NEB: variants seen among roughly 807,000 people sequenced by gnomAD.
The protein encoded by NEB is nebulin, also known as nemaline myopathy type 2.
A neutral mutation model predicts 952.2 loss-of-function variants in NEB; 512 were observed. The ratio of observed to expected loss-of-function variants is 0.54; its 90% CI spans 0.50 to 0.58. The LOEUF (loss-of-function observed/expected upper bound fraction) is 0.58, where lower values mean the gene tolerates loss of function less well. Among genes scored for constraint, NEB ranks in the 20% least tolerant of loss-of-function variants. NEB has a pLI of 0.00. For synonymous variants in NEB, 2,900 were observed against 3,149.8 expected, an observed-to-expected ratio of 0.92 and a Z score of 2.66; for missense variants, 8,428 against 9,231.1, an observed-to-expected ratio of 0.91 and a Z score of 3.56.
chr2:151,704,821 T>C (rs986363605), intron 13 of NEB, among the ~76,000 whole-genome samples: 4 of 152,218 alleles, frequency 2.6e-5, no homozygotes, highest in Admixed American at 6.5e-5. Flanking sequence ...ACCCGTCTTC[T>C]GCGTCGCTCG....
rs142773625 is a variant in NEB, at chr2:151,714,751, T to C, written c.822+2665A>G. Among the ~76,000 whole-genome samples the C allele has an allele frequency of 3.9e-3, 593 of 152,262 alleles. 4 individuals carry two copies. The highest frequency in any genetic ancestry group is 0.013 in the African/African-American group (555 of 41,548). ...TTAAAAAATTTATTTTTTTATACTT[T>C]AAGTTCTAGGGTAGATAAAGGAGAT... On this transcript the variant is annotated intron_variant, in intron 10 of 181. Coordinates refer to ENST00000397345, the MANE Select transcript of NEB (RefSeq NM_001164508.2).
Position 151,485,734 on chromosome 2 carries a change from C to A in NEB, c.*26G>T. 1 of 1,581,256 alleles carries A rather than the reference C, an allele frequency of 6.3e-7. No homozygotes were observed. Among genetic ancestry groups the A allele is most frequent in the South Asian group, 1.2e-5 (1 of 86,464 alleles). On this transcript the variant is annotated 3_prime_UTR_variant, in exon 182 of 182. Transcript: ENST00000397345. ...TTGACTGCAGGATCTGTAAGTCCTG[C>A]AGACAAGTGTGATGCTTTGAAATGC...
intron 3 of NEB, among the ~76,000 whole-genome samples, chr2:151,731,301 G>T (rs941773215): frequency 6.6e-6 from 1 of 152,050 alleles, no homozygotes; most frequent in Non-Finnish European, 1.5e-5. Flanking sequence ...TTAGAGCTGT[G>T]CCACTAATTA....
rs915938778 is a variant in NEB at position 151,642,977 on chromosome 2, T to A, written c.8161-108A>T. On this transcript the variant is annotated intron_variant, in intron 58 of 181. Coordinates refer to ENST00000397345, the MANE Select transcript of NEB (RefSeq NM_001164508.2). ...AGAATTTCAGCTCAGTGAATCGGTATTTGTGACATTTTCAGGTCTAAATGT... is the reference window on the plus strand; with the variant it reads ...AGAATTTCAGCTCAGTGAATCGGTAATTGTGACATTTTCAGGTCTAAATGT... 5 of 1,178,538 alleles carry A rather than the reference T, an allele frequency of 4.2e-6. No individual in the cohort carries two copies. The African/African-American group carries it at 7.8e-5, about 18-fold the overall frequency. The allele number at this position is 1,178,538 out of a possible 1,614,324, so 73.0% of individuals were successfully genotyped here.
chr2:151,519,708 C>G lies in NEB; in HGVS notation c.22540G>C (p.Asp7514His). ...KGKTPKYNPKDSQLYKVMKDA... is the reference protein window; with the variant it reads ...KGKTPKYNPKHSQLYKVMKDA... ...TTCATGACTTTGTAGAGCTGGCTGT[C>G]TTTTGGATTGTATTTTGGTGTCTTG... Residue 7514 changes from aspartate (D) to histidine (H), a missense_variant, in exon 154 of 182, where the codon GAC (aspartate) becomes CAC (histidine). Asp to His is a moderately conservative substitution (Grantham distance 81, BLOSUM62 -1). Coordinates refer to ENST00000397345, the MANE Select transcript of NEB (RefSeq NM_001164508.2). 1 of 1,613,226 alleles carries G rather than the reference C, an allele frequency of 6.2e-7. No homozygotes were observed. Among genetic ancestry groups the G allele is most frequent in the Non-Finnish European group, 8.5e-7 (1 of 1,179,438 alleles).
chr2:151,639,012 A>T (rs1387431021), intron 63 of NEB, among the ~76,000 whole-genome samples: 3 of 152,178 alleles, frequency 2.0e-5, no homozygotes, highest in African/African-American at 7.2e-5. Context: ...TAATATCCTA[A>T]CTTCAAAAAA....
In NEB at chr2:151,639,914, A is replaced by G; in HGVS notation, c.8832T>C (p.Ser2944=). ...RQPPDRFKFT[S]VTDSLEQVLA... is the part of the protein sequence containing the mutation. Reference sequence around the variant, plus strand: ...ACACTTGTTCCAGAGAGTCAGTCACACTGGTAAATTTGAATCTGTCTGGAG... The same window carrying G: ...ACACTTGTTCCAGAGAGTCAGTCACGCTGGTAAATTTGAATCTGTCTGGAG... The change falls in exon 62 of 182, where the codon AGT becomes AGC. Residue 2944 remains serine, a synonymous_variant. Transcript: ENST00000397345. The G allele has an allele frequency of 6.2e-7, 1 of 1,613,994 alleles. No homozygotes were observed. Among genetic ancestry groups the G allele is most frequent in the Non-Finnish European group, 8.5e-7 (1 of 1,179,878 alleles).
chr2:151,569,274 G>A lies in NEB; in HGVS notation c.17529C>T (p.Phe5843=), dbSNP rs2153749478. 1 of 1,613,580 alleles carries A rather than the reference G, an allele frequency of 6.2e-7. No homozygotes were observed. The highest frequency in any genetic ancestry group is 8.5e-7 in the Non-Finnish European group (1 of 1,179,560). Residue 5843 remains phenylalanine, a synonymous_variant, in exon 110 of 182, where the codon TTC becomes TTT. Coordinates refer to ENST00000397345, the MANE Select transcript of NEB (RefSeq NM_001164508.2). ...GGGTAAAATCTTGGAATACCTCACTGAAGATGTCCGCGGCATGTTTGGCAT... is the reference window on the plus strand; with the variant it reads ...GGGTAAAATCTTGGAATACCTCACTAAAGATGTCCGCGGCATGTTTGGCAT... ...VNHAKHAADI[F]SEKKYRTKIE... is the part of the protein sequence containing the mutation.
At chr2:151,682,495 A>C (rs1259691681) in intron 29 of NEB, among the ~76,000 whole-genome samples, 167 bp downstream of exon 29, 1 of 152,216 alleles carries the variant, frequency 6.6e-6, no homozygotes, top group African/African-American at 2.4e-5. Context: ...GATTTTGGTA[A>C]TATAAAGGTT....
chr2:151,696,865 T>C (rs2099600517), intron 16 of NEB, 130 bp from the exon 17 acceptor site: 1 of 694,618 alleles, frequency 1.4e-6, no homozygotes, highest in African/African-American at 1.8e-5. Context: ...TATATTTTTT[T>C]CTAACTAGAC....
intron 168 of NEB, 38 bp from the exon 169 acceptor site, chr2:151,499,428 C>A: frequency 8.9e-7 from 1 of 1,126,518 alleles, no homozygotes; most frequent in Non-Finnish European, 1.3e-6. Context: ...AAAACAAGAG[C>A]AGTCAAAACA....
chr2:151,567,912 C>T (rs1255173216), intron 113 of NEB, among the ~76,000 whole-genome samples, 159 bp downstream of exon 113: 2 of 152,064 alleles, frequency 1.3e-5, no homozygotes, highest in East Asian at 1.9e-4. Context: ...GAAGAAAGAC[C>T]GAAAAGTGAG....
At chr2:151,713,998 T>C (rs928584712) in intron 10 of NEB, among the ~76,000 whole-genome samples, 4 of 152,096 alleles carry the variant, frequency 2.6e-5, no homozygotes, top group African/African-American at 4.8e-5. Flanking sequence ...CCTAGTATAA[T>C]GAGTATTTTG....
intron 12 of NEB, 36 bp downstream of exon 12, chr2:151,709,620 C>T: frequency 6.7e-7 from 1 of 1,489,286 alleles, no homozygotes; most frequent in Middle Eastern, 1.7e-4. Flanking sequence ...TACCCACACT[C>T]AAACCATCAA....
chr2:151,701,657 G>A (rs1370976883), intron 13 of NEB, among the ~76,000 whole-genome samples: 1 of 151,416 alleles, frequency 6.6e-6, no homozygotes, highest in Non-Finnish European at 1.5e-5. Context: ...TTGCGTAGAG[G>A]TGTTTGTAGT....
intron 107 of NEB, among the ~76,000 whole-genome samples, chr2:151,574,050 T>G (rs900530061): frequency 6.6e-6 from 1 of 152,204 alleles, no homozygotes; most frequent in Non-Finnish European, 1.5e-5. Context: ...CTCGGCTTAC[T>G]GCTAGCTCCG....
chr2:151,506,300 G>C (rs1187327306), intron 163 of NEB, 42 bp from the exon 164 acceptor site: 1 of 1,452,000 alleles, frequency 6.9e-7, no homozygotes, highest in Admixed American at 1.8e-5. Context: ...CAGAAGAAAA[G>C]AAAACCCAGC....
In NEB at chr2:151,697,192, T is replaced by C. The variant is rs1218197430; in HGVS notation, c.1426A>G (p.Thr476Ala). ...TTCTTAATTGCTTCATATTCTTGAG[T>C]TATGGTCTGAGGGAAGAAGCCTTTG... is the stretch of plus-strand genomic sequence containing the variant. The part of the protein sequence containing the change: ...RGKGFFPQTI[T>A]QEYEAIKKLD... Residue 476 changes from threonine to alanine, a missense_variant, in exon 16 of 182, where the codon ACT becomes GCT. Thr to Ala is a moderately conservative substitution (Grantham distance 58, BLOSUM62 0). Around this residue, in one of 11 missense-constraint regions of NEB, gnomAD observed 2,851 missense variants for 2,791.5 expected, o/e 1.02. Transcript: ENST00000397345. 1 of 1,613,596 alleles carries C rather than the reference T, an allele frequency of 6.2e-7. No individual in the cohort carries two copies. The highest frequency in any genetic ancestry group is 2.2e-5 in the East Asian group (1 of 44,876).
chr2:151,729,483 C>T, intron 4 of NEB, 132 bp downstream of exon 4: 1 of 994,208 alleles, frequency 1.0e-6, no homozygotes, highest in Non-Finnish European at 1.5e-6. Context: ...AGCTTCTGGG[C>T]ACAGGTAGGT....
Sources: gnomAD v4.1 joint callset for allele counts (sites outside exome capture counted in the v4.1 genomes callset) on GRCh38, gnomAD v4.1.1 for gene constraint, gnomAD v4.1.1 regional missense constraint, MANE v1.5 for transcripts, NCBI Gene and HGNC (gene_info 2026-07-23, HGNC 2026-07-21) for gene names.